VMAC: variants seen among roughly 807,000 people sequenced by gnomAD.
The protein encoded by VMAC is vimentin type intermediate filament associated coiled-coil protein.
VMAC carries 8 observed loss-of-function variants against 4.8 expected under a neutral mutation model. The ratio of observed to expected loss-of-function variants is 1.68; its 90% CI spans 0.99 to 3.03. VMAC has a LOEUF of 3.03. Among genes scored for constraint, VMAC ranks in the 30% most tolerant of loss-of-function variants. VMAC has a pLI of 0.00. For synonymous variants in VMAC, 96 were observed against 113.7 expected (o/e 0.84, Z 0.99); for missense variants, 248 against 245.1 (o/e 1.01, Z -0.08).
chr19:5,904,880 C>A lies in VMAC; in HGVS notation c.-11C>A. The A allele has an allele frequency of 1.4e-6, 2 of 1,463,172 alleles. No homozygotes were observed. Among genetic ancestry groups the A allele is most frequent in the South Asian group, 1.3e-5 (1 of 75,018 alleles). 90.6% of individuals were successfully genotyped at this position (1,463,172 alleles called of 1,614,324 possible). ...TGGGGGCGTGGCCGGGCCTGTACAG[C>A]AGCCTGGGCCATGTCGGCGCCGCCG... On this transcript the variant is annotated 5_prime_UTR_variant, in exon 1 of 2. Coordinates refer to ENST00000339485, the MANE Select transcript of VMAC (RefSeq NM_001017921.4).
rs1448527455 is a variant in VMAC, at chr19:5,904,985, C to G, written c.95C>G (p.Ala32Gly). The G allele has an allele frequency of 2.0e-6, 3 of 1,464,734 alleles. No homozygotes were observed. The highest frequency in any genetic ancestry group is 2.7e-6 in the Non-Finnish European group (3 of 1,118,414). 90.7% of individuals were successfully genotyped at this position (1,464,734 alleles called of 1,614,324 possible). ...RAAELEARLD[A>G]AERTVHAQAE... is the part of the protein sequence containing the mutation. ...GCGGAGCTGGAGGCGCGGCTGGACG[C>G]GGCGGAGCGCACGGTGCACGCCCAA... Residue 32 changes from alanine to glycine, a missense_variant, in exon 1 of 2, where the codon GCG becomes GGG. Physicochemically the swap from Ala to Gly is moderately conservative, Grantham distance 60. Coordinates refer to ENST00000339485, the MANE Select transcript of VMAC (RefSeq NM_001017921.4).
rs2144973293 is a variant in VMAC at position 5,908,967 on chromosome 19, C to T, written c.335C>T (p.Pro112Leu). Residue 112 changes from proline to leucine, a missense_variant, in exon 2 of 2, where the codon CCA (proline) becomes CTA (leucine). Physicochemically the swap from Pro to Leu is moderately conservative, Grantham distance 98. Coordinates refer to ENST00000339485, the MANE Select transcript of VMAC (RefSeq NM_001017921.4). The surrounding 1 kb of genome is among the most constrained non-coding windows in gnomAD (Gnocchi z 4.5). ...ELLQDICRRR[P>L]PLAGLLDALA... ...CTGCAGGACATCTGCCGCCGCCGGC[C>T]ACCCCTGGCTGGGCTGCTGGATGCC... 3.1e-6 allele frequency: 5 copies of T among 1,612,606 alleles called. No homozygotes were observed. Among genetic ancestry groups the T allele is most frequent in the Non-Finnish European group, 3.4e-6 (4 of 1,179,494 alleles).
Position 5,908,743 on chromosome 19 carries a change from A to G in VMAC, c.192-81A>G. 1 of 1,464,898 alleles carries G rather than the reference A, an allele frequency of 6.8e-7. No homozygotes were observed. The highest frequency in any genetic ancestry group is 1.2e-5 in the South Asian group (1 of 82,796). The allele number at this position is 1,464,898 out of a possible 1,614,324, so 90.7% of individuals were successfully genotyped here. On this transcript the variant is annotated intron_variant, in intron 1 of 1. Transcript: ENST00000339485. The surrounding 1 kb of genome is among the most constrained non-coding windows in gnomAD (Gnocchi z 4.5). The stretch of plus-strand genomic sequence containing the variant: ...GGCTTTATCCCAAAGGTGATGGGGA[A>G]CCTCTTGCGGGTCCAGAGCAGGGAG...
chr19:5,909,471 G>T lies in VMAC; in HGVS notation c.*329G>T. 1 of 239,352 alleles carries T rather than the reference G, an allele frequency of 4.2e-6. No homozygotes were observed. The highest frequency in any genetic ancestry group is 7.6e-6 in the Non-Finnish European group (1 of 131,872). 14.8% of individuals were successfully genotyped at this position (239,352 alleles called of 1,614,324 possible). A position where few individuals can be genotyped will look rare whatever the true frequency, so the allele number is the denominator to read the frequency against. ...GGCACCCTCTTTAGCCAGGGTGTGA[G>T]TTTCTGTTTTTTGTTTTTTTTTTTT... is the stretch of plus-strand genomic sequence containing the variant. On this transcript the variant is annotated 3_prime_UTR_variant, in exon 2 of 2. Transcript: ENST00000339485.
rs1488536361 is a variant in VMAC, at chr19:5,904,945, G to A, written c.55G>A (p.Val19Met). The change falls in exon 1 of 2, where the codon GTG becomes ATG. Residue 19 changes from valine to methionine, a missense_variant. Coordinates refer to ENST00000339485, the MANE Select transcript of VMAC (RefSeq NM_001017921.4). ...GGAGGCAAACGCACACCTGGCAGCCGTGCACCGGCGCGCAGCGGAGCTGGA... is the reference window on the plus strand; with the variant it reads ...GGAGGCAAACGCACACCTGGCAGCCATGCACCGGCGCGCAGCGGAGCTGGA... The part of the protein sequence containing the change: ...IREANAHLAA[V>M]HRRAAELEAR... 4 of 1,483,532 alleles carry A rather than the reference G, an allele frequency of 2.7e-6. No individual in the cohort carries two copies. Among genetic ancestry groups the A allele is most frequent in the African/African-American group, 1.5e-5 (1 of 68,298 alleles). The allele number at this position is 1,483,532 out of a possible 1,614,324, so 91.9% of individuals were successfully genotyped here.
At chr19:5,906,117 C>T (rs982614115) in intron 1 of VMAC, among the ~76,000 whole-genome samples, 1 of 148,128 alleles carries the variant, frequency 6.8e-6, no homozygotes, top group Non-Finnish European at 1.5e-5. Context: ...AGGCGTGCGA[C>T]AGCACACCTG....
chr19:5,908,764 G>C lies in VMAC; in HGVS notation c.192-60G>C. The C allele has an allele frequency of 6.3e-7, 1 of 1,582,006 alleles. No individual in the cohort carries two copies. Among genetic ancestry groups the C allele is most frequent in the Non-Finnish European group, 8.6e-7 (1 of 1,158,504 alleles). On this transcript the variant is annotated intron_variant, in intron 1 of 1. Transcript: ENST00000339485. This position sits in a 1 kb window ranked among gnomAD's most constrained non-coding sequence, Gnocchi z 4.5. ...GGGAACCTCTTGCGGGTCCAGAGCA[G>C]GGAGGAGCAGGTGCTGTGGTCCTCA...
At position 5,908,217 on chromosome 19, in the gene VMAC, G is replaced by A. The variant is rs1020483316; in HGVS notation, c.192-607G>A. Among the ~76,000 whole-genome samples the A allele has an allele frequency of 6.6e-6, 1 of 152,174 alleles. No homozygotes were observed. Among genetic ancestry groups the A allele is most frequent in the African/African-American group, 2.4e-5 (1 of 41,436 alleles). ...AAATCAGTCAGGCATGGTGGCGCAT[G>A]CCTGTAAACCCAGCTACTCGGGAGG... On this transcript the variant is annotated intron_variant, in intron 1 of 1. Transcript: ENST00000339485. The surrounding 1 kb of genome is among the most constrained non-coding windows in gnomAD (Gnocchi z 4.5).
chr19:5,909,309 G>A lies in VMAC; in HGVS notation c.*167G>A. The A allele has an allele frequency of 3.0e-6, 2 of 660,116 alleles. No individual in the cohort carries two copies. The highest frequency in any genetic ancestry group is 4.9e-6 in the Non-Finnish European group (2 of 409,204). 40.9% of individuals were successfully genotyped at this position (660,116 alleles called of 1,614,324 possible). ...TTTCAAATAGGCCCACAGGCCAGGTGCAGACGTTTAACCCAGACAGAAGTG... is the reference window on the plus strand; with the variant it reads ...TTTCAAATAGGCCCACAGGCCAGGTACAGACGTTTAACCCAGACAGAAGTG... On this transcript the variant is annotated 3_prime_UTR_variant, in exon 2 of 2. Transcript: ENST00000339485.
At position 5,909,184 on chromosome 19, in the gene VMAC, C is replaced by T. The variant is rs2057689787; in HGVS notation, c.*42C>T. The T allele has an allele frequency of 6.6e-7, 1 of 1,519,886 alleles. No homozygotes were observed. Among genetic ancestry groups the T allele is most frequent in the Non-Finnish European group, 8.8e-7 (1 of 1,140,688 alleles). The allele number at this position is 1,519,886 out of a possible 1,614,324, so 94.1% of individuals were successfully genotyped here. On this transcript the variant is annotated 3_prime_UTR_variant, in exon 2 of 2. Coordinates refer to ENST00000339485, the MANE Select transcript of VMAC (RefSeq NM_001017921.4). ...ACAGAATGGAGACAGAAAGCCACTGCTGTCAGTGTCCTTGGGAGTCACCAG... is the reference window on the plus strand; with the variant it reads ...ACAGAATGGAGACAGAAAGCCACTGTTGTCAGTGTCCTTGGGAGTCACCAG...
chr19:5,906,446 T>G (rs528050569), intron 1 of VMAC, among the ~76,000 whole-genome samples: 3 of 152,222 alleles, frequency 2.0e-5, no homozygotes, highest in African/African-American at 7.2e-5. Context: ...TTCGTCTTCA[T>G]TGAGCACCTA....
In VMAC at chr19:5,904,983, C is replaced by T. The variant is rs1343556595; in HGVS notation, c.93C>T (p.Asp31=). 4.1e-6 allele frequency: 6 copies of T among 1,464,572 alleles called. No individual in the cohort carries two copies. The highest frequency in any genetic ancestry group is 2.6e-5 in the Admixed American group (1 of 38,664). The allele number at this position is 1,464,572 out of a possible 1,614,324, so 90.7% of individuals were successfully genotyped here. A position where few individuals can be genotyped will look rare whatever the true frequency, so the allele number is the denominator to read the frequency against. Residue 31 remains aspartate (D), a synonymous_variant, in exon 1 of 2, where the codon GAC becomes GAT. Transcript: ENST00000339485. ...CAGCGGAGCTGGAGGCGCGGCTGGA[C>T]GCGGCGGAGCGCACGGTGCACGCCC... ...RRAAELEARL[D]AAERTVHAQA...
chr19:5,906,944 T>G (rs1263061663), intron 1 of VMAC, among the ~76,000 whole-genome samples: 4 of 152,188 alleles, frequency 2.6e-5, no homozygotes, highest in African/African-American at 9.7e-5. Flanking sequence ...CGAGAATCGC[T>G]TGAACCCAGG....
At chr19:5,907,780 C>T (rs1385299323) in intron 1 of VMAC, among the ~76,000 whole-genome samples, 6 of 151,536 alleles carry the variant, frequency 4.0e-5, no homozygotes, top group African/African-American at 9.7e-5. Context: ...AGCTAGATTC[C>T]GTCTCAATCA....
chr19:5,906,715 G>A (rs987763700), intron 1 of VMAC, among the ~76,000 whole-genome samples: 2 of 152,216 alleles, frequency 1.3e-5, no homozygotes, highest in Non-Finnish European at 2.9e-5. Flanking sequence ...GGGACGAAAT[G>A]AGGGTTCTCA....
rs1422927611 is a variant in VMAC, at chr19:5,908,604, A to G, written c.192-220A>G. On this transcript the variant is annotated intron_variant, in intron 1 of 1. Transcript: ENST00000339485. This position sits in a 1 kb window ranked among gnomAD's most constrained non-coding sequence, Gnocchi z 4.5. ...GCACTCCAGCCTGGGCGACAGAGCT[A>G]GACTTCGTCTCAAAAAAAAATAATA... 1.4e-5 allele frequency among the ~76,000 whole-genome samples: 2 copies of G among 145,440 alleles called. No homozygotes were observed. The highest frequency in any genetic ancestry group is 5.0e-5 in the African/African-American group (2 of 39,878).
rs1335804527 is a variant in VMAC at position 5,908,965 on chromosome 19, G to A, written c.333G>A (p.Arg111=). 1.2e-6 allele frequency: 2 copies of A among 1,612,338 alleles called. No individual in the cohort carries two copies. Among genetic ancestry groups the A allele is most frequent in the Non-Finnish European group, 1.7e-6 (2 of 1,179,456 alleles). Reference sequence around the variant, plus strand: ...TGCTGCAGGACATCTGCCGCCGCCGGCCACCCCTGGCTGGGCTGCTGGATG... The same window carrying A: ...TGCTGCAGGACATCTGCCGCCGCCGACCACCCCTGGCTGGGCTGCTGGATG... ...AELLQDICRR[R]PPLAGLLDAL... The change falls in exon 2 of 2, where the codon CGG becomes CGA. Residue 111 remains arginine (R), a synonymous_variant. Coordinates refer to ENST00000339485, the MANE Select transcript of VMAC (RefSeq NM_001017921.4). The surrounding 1 kb of genome is among the most constrained non-coding windows in gnomAD (Gnocchi z 4.5).
In VMAC at chr19:5,908,736, A is replaced by G; in HGVS notation, c.192-88A>G. ...GAATGCGGGCTTTATCCCAAAGGTG[A>G]TGGGGAACCTCTTGCGGGTCCAGAG... On this transcript the variant is annotated intron_variant, in intron 1 of 1. Coordinates refer to ENST00000339485, the MANE Select transcript of VMAC (RefSeq NM_001017921.4). The surrounding 1 kb of genome is among the most constrained non-coding windows in gnomAD (Gnocchi z 4.5). 1 of 1,406,068 alleles carries G rather than the reference A, an allele frequency of 7.1e-7. No homozygotes were observed. The highest frequency in any genetic ancestry group is 9.9e-7 in the Non-Finnish European group (1 of 1,012,190). 87.1% of individuals were successfully genotyped at this position (1,406,068 alleles called of 1,614,324 possible).
At chr19:5,907,634 A>AAAAAAAAAAAAAAAAAAAAAAAG in intron 1 of VMAC, among the ~76,000 whole-genome samples, 1 of 143,672 alleles carries the variant, frequency 7.0e-6, no homozygotes, top group African/African-American at 2.6e-5. Flanking sequence ...AAAAAAAAAA[A>AAAAAAAAAAAAAAAAAAAAAAAG]AATTAGCTGG....
Sources: gnomAD v4.1 joint callset for allele counts (sites outside exome capture counted in the v4.1 genomes callset) on GRCh38, gnomAD v4.1.1 for gene constraint, Gnocchi (gnomAD v3.1) non-coding constraint, MANE v1.5 for transcripts, NCBI Gene and HGNC (gene_info 2026-07-23, HGNC 2026-07-21) for gene names.